The following GABRB2 variants were observed in gnomAD, a reference collection of about 807,000 sequenced individuals.
GABRB2 encodes gamma-aminobutyric acid receptor subunit beta-2.
GABRB2 carries 16 observed loss-of-function variants against 54.7 expected under a neutral mutation model. The observed-to-expected ratio is 0.29, with a 90% CI of 0.20 to 0.44. The LOEUF (loss-of-function observed/expected upper bound fraction) is 0.44. GABRB2 is among the 20% of genes least tolerant of loss of function. GABRB2 has a pLI of 1.00. For synonymous variants in GABRB2, 244 were observed against 233.8 expected, an observed-to-expected ratio of 1.04 and a Z score of -0.40; for missense variants, 355 against 644.0, an observed-to-expected ratio of 0.55 and a Z score of 4.86.
At chr5:161,387,407 T>G (rs1324550531) in intron 5 of GABRB2, among the ~76,000 whole-genome samples, 1 of 152,154 alleles carries the variant, frequency 6.6e-6, no homozygotes, top group Non-Finnish European at 1.5e-5. Flanking sequence ...TCCTCTAGTC[T>G]TCTCTGCTGA....
chr5:161,385,284 T>C (rs1320638238), intron 5 of GABRB2, among the ~76,000 whole-genome samples: 1 of 152,222 alleles, frequency 6.6e-6, no homozygotes, highest in East Asian at 1.9e-4. Flanking sequence ...CAATCATTTT[T>C]GAAGTGTTTA....
upstream of GABRB2, among the ~76,000 whole-genome samples, chr5:161,547,344 A>G (rs1242934643): frequency 6.6e-6 from 1 of 151,422 alleles, no homozygotes; most frequent in Non-Finnish European, 1.5e-5. Context: ...CGGGTACAGA[A>G]TAAGAAAGGC....
chr5:161,358,397 G>T (rs902458679), intron 5 of GABRB2, among the ~76,000 whole-genome samples: 5 of 152,086 alleles, frequency 3.3e-5, no homozygotes, highest in African/African-American at 9.7e-5. Flanking sequence ...TAGAGACTAG[G>T]TGACTAAAGT....
At chr5:161,401,293 G>C (rs1023655528) in intron 5 of GABRB2, among the ~76,000 whole-genome samples, 1 of 152,038 alleles carries the variant, frequency 6.6e-6, no homozygotes, top group Non-Finnish European at 1.5e-5. Context: ...TTTCCACTTA[G>C]AAATAATAAA....
intron 3 of GABRB2, among the ~76,000 whole-genome samples, chr5:161,464,486 A>G (rs1758218910): frequency 6.6e-6 from 1 of 152,108 alleles, no homozygotes; most frequent in Non-Finnish European, 1.5e-5. Context: ...AGTCTCATAC[A>G]TTGCAAGTGG....
rs779935757 is a variant in GABRB2 at position 161,294,161 on chromosome 5, T to C, written c.1459A>G (p.Ile487Val). The change falls in exon 10 of 10, where the codon ATA becomes GTA. Residue 487 changes from isoleucine (I) to valine (V), a missense_variant. By Grantham distance (29) the Ile-to-Val change is conservative. Transcript: ENST00000393959. ...AAGAATATGCGGGACCACCGATCTA[T>C]GGCATTCACATCAGTCAAGTCAGGG... ...TIPDLTDVNA[I>V]DRWSRIFFPV... 2 of 1,614,116 alleles carry C rather than the reference T, an allele frequency of 1.2e-6. No individual in the cohort carries two copies. Among genetic ancestry groups the C allele is most frequent in the Non-Finnish European group, 1.7e-6 (2 of 1,179,996 alleles).
chr5:161,497,202 C>T (rs1759278089), intron 3 of GABRB2, among the ~76,000 whole-genome samples: 1 of 152,116 alleles, frequency 6.6e-6, no homozygotes, highest in Non-Finnish European at 1.5e-5. Flanking sequence ...GTGATCCCAA[C>T]ATGATTGCAT....
At chr5:161,361,184 C>T (rs1754799809) in intron 5 of GABRB2, among the ~76,000 whole-genome samples, 1 of 151,894 alleles carries the variant, frequency 6.6e-6, no homozygotes, top group Admixed American at 6.6e-5. Flanking sequence ...GTATGGGCTT[C>T]ATTTCAATCC....
intron 5 of GABRB2, among the ~76,000 whole-genome samples, chr5:161,403,409 G>T (rs923370778): frequency 6.6e-6 from 1 of 152,104 alleles, no homozygotes; most frequent in Non-Finnish European, 1.5e-5. Flanking sequence ...CAGCAAAGAG[G>T]TTGGCTATGG....
chr5:161,438,365 A>T (rs1757369175), intron 4 of GABRB2, among the ~76,000 whole-genome samples: 1 of 152,180 alleles, frequency 6.6e-6, no homozygotes, highest in Non-Finnish European at 1.5e-5. Context: ...TCAAACACAT[A>T]CAGCTTGGAT....
rs1488942357 is a variant in GABRB2, at chr5:161,473,732, A to G, written c.238-13888T>C. Among the ~76,000 whole-genome samples, 4 of 152,136 alleles carry G rather than the reference A, an allele frequency of 2.6e-5. No homozygotes were observed. The South Asian group carries it at 8.3e-4, about 31-fold the overall frequency. On this transcript the variant is annotated intron_variant, in intron 3 of 9. Transcript: ENST00000393959. ...AGAAAAATCCTATTTGAATATCATC[A>G]GCCACTGTTAGACCCAACAAGCTCT...
intron 9 of GABRB2, among the ~76,000 whole-genome samples, chr5:161,320,602 G>T (rs1385855618): frequency 2.0e-5 from 3 of 151,620 alleles, no homozygotes. Flanking sequence ...TCTTTATATA[G>T]TAATAATGAT....
At chr5:161,313,784 C>T (rs1278020026) in intron 9 of GABRB2, among the ~76,000 whole-genome samples, 1 of 152,162 alleles carries the variant, frequency 6.6e-6, no homozygotes, top group Non-Finnish European at 1.5e-5. Context: ...AACTGGTGCT[C>T]TGAGCGCTTT....
At chr5:161,333,219 T>C (rs1443331574) in intron 7 of GABRB2, among the ~76,000 whole-genome samples, 3 of 152,180 alleles carry the variant, frequency 2.0e-5, no homozygotes, top group Non-Finnish European at 4.4e-5. Context: ...ATTTGCAAAT[T>C]TTATTCCTTC....
intron 5 of GABRB2, among the ~76,000 whole-genome samples, chr5:161,382,413 G>A (rs529597567): frequency 1.3e-5 from 2 of 152,268 alleles, no homozygotes; most frequent in African/African-American, 2.4e-5. Flanking sequence ...ATCCTCAGAT[G>A]CTTTCACGGA....
intron 3 of GABRB2, among the ~76,000 whole-genome samples, chr5:161,538,669 C>T (rs765812247): frequency 1.3e-5 from 2 of 151,996 alleles, no homozygotes; most frequent in Non-Finnish European, 2.9e-5. Context: ...ATTAAAAATA[C>T]AAAAATTAGT....
intron 4 of GABRB2, among the ~76,000 whole-genome samples, chr5:161,452,736 G>A (rs955515168): frequency 1.3e-5 from 2 of 151,916 alleles, no homozygotes; most frequent in Admixed American, 6.6e-5. Flanking sequence ...GATCAGACCT[G>A]TAATCCTAGC....
In GABRB2 at chr5:161,545,221, A is replaced by T; in HGVS notation, c.237+6T>A. ...CAAAGAAGTAGTCATAAATGTCAATACTCACCATATTGACTTCAGAAACCA... is the reference window on the plus strand; with the variant it reads ...CAAAGAAGTAGTCATAAATGTCAATTCTCACCATATTGACTTCAGAAACCA... On this transcript the variant is annotated splice_donor_region_variant and intron_variant, in intron 3 of 9. Coordinates refer to ENST00000393959, the MANE Select transcript of GABRB2 (RefSeq NM_001371727.1). The T allele has an allele frequency of 6.3e-7, 1 of 1,598,454 alleles. No homozygotes were observed. Among genetic ancestry groups the T allele is most frequent in the Non-Finnish European group, 8.5e-7 (1 of 1,172,908 alleles).
At chr5:161,299,041 G>A (rs1757462735) in intron 9 of GABRB2, among the ~76,000 whole-genome samples, 1 of 152,142 alleles carries the variant, frequency 6.6e-6, no homozygotes, top group South Asian at 2.1e-4. Flanking sequence ...GGCACTCTCA[G>A]TGCATGGTAG....
Sources: allele counts gnomAD v4.1 joint callset (sites outside exome capture counted in the v4.1 genomes callset), GRCh38; gene constraint gnomAD v4.1.1; transcripts MANE v1.5; gene names NCBI Gene and HGNC (gene_info 2026-07-23, HGNC 2026-07-21).